COL4A6: variants seen among roughly 807,000 people sequenced by gnomAD.
The protein encoded by COL4A6 is collagen alpha-6(IV) chain.
A neutral mutation model predicts 126.7 loss-of-function variants in COL4A6; 59 were observed. The ratio of observed to expected loss-of-function variants is 0.47; its 90% CI spans 0.38 to 0.58. The LOEUF is 0.58. COL4A6 is among the 20% of genes least tolerant of loss of function. COL4A6 has a pLI of 0.00. For synonymous variants in COL4A6, 547 were observed against 496.6 expected (o/e 1.10, Z -1.35); for missense variants, 1,285 against 1,337.3 (o/e 0.96, Z 0.61).
At chrX:108,321,069 G>T (rs2039015822) in intron 2 of COL4A6, among the ~76,000 whole-genome samples, 1 of 111,932 alleles carries the variant, frequency 8.9e-6, no homozygotes, top group Non-Finnish European at 1.9e-5. Context: ...AGGGTTTAGT[G>T]AGGTTAAATA....
At chrX:108,277,208 A>G (rs2037633330) in intron 3 of COL4A6, among the ~76,000 whole-genome samples, 1 of 111,935 alleles carries the variant, frequency 8.9e-6, no homozygotes, top group African/African-American at 3.2e-5. Context: ...CGGGAAGCGT[A>G]AGGGGTCAGG....
intron 23 of COL4A6, among the ~76,000 whole-genome samples, chrX:108,181,279 G>A (rs2034677878): frequency 8.9e-6 from 1 of 112,569 alleles, no homozygotes; most frequent in Non-Finnish European, 1.9e-5. Flanking sequence ...GATTGCCTGT[G>A]CAGGAACAGC....
intron 2 of COL4A6, among the ~76,000 whole-genome samples, chrX:108,326,493 T>C (rs2039159594): frequency 1.8e-5 from 2 of 111,944 alleles, no homozygotes; most frequent in Non-Finnish European, 3.8e-5. Context: ...GGACCTAGCA[T>C]AGCCCAAACA....
chrX:108,224,715 A>C (rs2148274668), intron 3 of COL4A6, among the ~76,000 whole-genome samples: 1 of 112,216 alleles, frequency 8.9e-6, no homozygotes, highest in South Asian at 3.8e-4. Context: ...AGATACGCTT[A>C]CTTTGTGCTT....
At chrX:108,234,814 T>A (rs970900338) in intron 3 of COL4A6, among the ~76,000 whole-genome samples, 1 of 111,543 alleles carries the variant, frequency 9.0e-6, no homozygotes, top group Non-Finnish European at 1.9e-5. Flanking sequence ...CCAGGACACA[T>A]TTTGGTAAGT....
chrX:108,299,197 G>A lies in COL4A6; in HGVS notation c.144+11551C>T, dbSNP rs183726375. ...CATAGAGTGTCTGAATGGGTTTTAA[G>A]AATAGCAAATGTTGCTGTGTATATG... On this transcript the variant is annotated intron_variant, in intron 3 of 44. Coordinates refer to ENST00000334504, the MANE Select transcript of COL4A6 (RefSeq NM_033641.4). Among the ~76,000 whole-genome samples, 8 of 111,937 alleles carry A rather than the reference G, an allele frequency of 7.1e-5. No homozygotes were observed. The Admixed American group carries it at 7.5e-4, about 11-fold the overall frequency.
At chrX:108,420,749 T>C (rs1437149740) in intron 2 of COL4A6, among the ~76,000 whole-genome samples, 2 of 111,971 alleles carry the variant, frequency 1.8e-5, no homozygotes, top group Non-Finnish European at 3.8e-5. Flanking sequence ...CTGCTCCAAG[T>C]AAATAGTGAT....
intron 2 of COL4A6, among the ~76,000 whole-genome samples, chrX:108,313,487 C>CA (rs998253690): frequency 3.6e-5 from 4 of 111,038 alleles, no homozygotes; most frequent in Middle Eastern, 4.6e-3. Flanking sequence ...AAAATGTAAG[C>CA]AAAAAAATTT....
intron 3 of COL4A6, among the ~76,000 whole-genome samples, chrX:108,301,819 A>T (rs183006026): frequency 1.0e-3 from 113 of 111,497 alleles, no homozygotes; most frequent in Non-Finnish European, 1.8e-3. Flanking sequence ...CAGCCTTGCA[A>T]TTTTATTATT....
At chrX:108,301,936 G>C (rs1226590154) in intron 3 of COL4A6, among the ~76,000 whole-genome samples, 2 of 111,678 alleles carry the variant, frequency 1.8e-5, no homozygotes, top group African/African-American at 6.5e-5. Context: ...GCATGACTAT[G>C]CTATAAGGAA....
intron 2 of COL4A6, among the ~76,000 whole-genome samples, chrX:108,311,577 G>C (rs1449873067): frequency 9.0e-6 from 1 of 111,356 alleles, no homozygotes; most frequent in Non-Finnish European, 1.9e-5. Flanking sequence ...CATCAAGCCT[G>C]TTCCTGCCTC....
At chrX:108,373,888 G>C (rs189116698) in intron 2 of COL4A6, among the ~76,000 whole-genome samples, 1 of 112,086 alleles carries the variant, frequency 8.9e-6, no homozygotes, top group Non-Finnish European at 1.9e-5. Flanking sequence ...CCCCCAAAAG[G>C]CCTTAAAGAT....
At position 108,169,479 on chromosome X, in the gene COL4A6, C is replaced by T. The variant is rs769639254; in HGVS notation, c.3691+16G>A. 1 of 1,210,632 alleles carries T rather than the reference C, an allele frequency of 8.3e-7. No homozygotes were observed. The highest frequency in any genetic ancestry group is 2.2e-5 in the Admixed American group (1 of 46,004). On this transcript the variant is annotated intron_variant, in intron 37 of 44. Coordinates refer to ENST00000334504, the MANE Select transcript of COL4A6 (RefSeq NM_033641.4). ...AAGGCCTCACTCAGCCTCTACAAGG[C>T]CTGACTTGGACTCACCTCGATCACC... is the stretch of plus-strand genomic sequence containing the variant.
intron 2 of COL4A6, among the ~76,000 whole-genome samples, chrX:108,435,781 A>G (rs1263195262): frequency 8.9e-6 from 1 of 112,333 alleles, no homozygotes; most frequent in Non-Finnish European, 1.9e-5. Context: ...GCTTGCCAAT[A>G]TTATTGGCAG....
In COL4A6 at chrX:108,164,450, G is replaced by A. The variant is rs769204567; in HGVS notation, c.4069+150C>T. On this transcript the variant is annotated intron_variant, in intron 40 of 44. Transcript: ENST00000334504. ...TGATAGAGGCTGAAGGATCCCCAAG[G>A]TAGAGAAACTGCCTCTCTGGGGTAC... 1.2e-4 allele frequency: 64 copies of A among 520,754 alleles called. No individual in the cohort carries two copies. The African/African-American group carries it at 1.4e-3, about 11-fold the overall frequency. 42.9% of individuals were successfully genotyped at this position (520,754 alleles called of 1,213,427 possible).
At chrX:108,396,031 C>G (rs1355498288) in intron 2 of COL4A6, among the ~76,000 whole-genome samples, 1 of 110,792 alleles carries the variant, frequency 9.0e-6, no homozygotes, top group African/African-American at 3.3e-5. Context: ...TCCTTTTTCA[C>G]GGTACCCTCC....
At chrX:108,354,092 GCAGTGAGCTGAGATTGCGAGA>G (rs2039903546) in intron 2 of COL4A6, among the ~76,000 whole-genome samples, 1 of 111,906 alleles carries the variant, frequency 8.9e-6, no homozygotes, top group African/African-American at 3.3e-5. Flanking sequence ...GGCAGAGGTT[GCAGTGAGCTGAGATTGCGAGA>G]TTGTGCCACT....
intron 2 of COL4A6, among the ~76,000 whole-genome samples, chrX:108,332,396 A>G (rs749265477): frequency 1.8e-5 from 2 of 111,740 alleles, no homozygotes; most frequent in South Asian, 7.5e-4. Flanking sequence ...CAGTAGTGGT[A>G]GTTCTATTTT....
At chrX:108,230,142 TC>T (rs1441072405) in intron 3 of COL4A6, among the ~76,000 whole-genome samples, 1 of 111,435 alleles carries the variant, frequency 9.0e-6, no homozygotes, top group Non-Finnish European at 1.9e-5. Flanking sequence ...TGGGCAAACA[TC>T]TAGGGAGATG....
Sources: gnomAD v4.1 joint callset for allele counts (sites outside exome capture counted in the v4.1 genomes callset) on GRCh38, gnomAD v4.1.1 for gene constraint, MANE v1.5 for transcripts, NCBI Gene and HGNC (gene_info 2026-07-23, HGNC 2026-07-21) for gene names.